The following BICC1 variants were observed in gnomAD, a reference collection of about 807,000 sequenced individuals.
The protein encoded by BICC1 is BicC family RNA binding protein 1.
Under a neutral mutation model 111.0 loss-of-function variants are expected in BICC1, and 43 were observed. The observed-to-expected ratio is 0.39, with a 90% CI of 0.30 to 0.50. The LOEUF (loss-of-function observed/expected upper bound fraction) is 0.50. BICC1 is among the 20% of genes least tolerant of loss of function. The pLI is 0.88. For synonymous variants in BICC1, 467 were observed against 434.4 expected (o/e 1.07, Z -0.93); for missense variants, 1,091 against 1,203.2 (o/e 0.91, Z 1.38).
intron 3 of BICC1, among the ~76,000 whole-genome samples, chr10:58,759,180 G>A (rs552293804): frequency 3.9e-5 from 6 of 151,984 alleles, no homozygotes; most frequent in South Asian, 2.1e-4. Flanking sequence ...GGCTGGTCTC[G>A]AACTCCTGAC....
chr10:58,716,691 A>AATGAATCT (rs1564571347), intron 3 of BICC1, among the ~76,000 whole-genome samples: 1 of 151,736 alleles, frequency 6.6e-6, no homozygotes, highest in African/African-American at 2.4e-5. Flanking sequence ...TTACATTAAT[A>AATGAATCT]TTTCAAAACC....
rs1222291635 is a variant in BICC1 at position 58,513,076 on chromosome 10, G to T, written c.-68G>T. The T allele has an allele frequency of 8.2e-7, 1 of 1,226,456 alleles. No homozygotes were observed. Among genetic ancestry groups the T allele is most frequent in the South Asian group, 2.9e-5 (1 of 34,760 alleles). 76.0% of individuals were successfully genotyped at this position (1,226,456 alleles called of 1,614,324 possible). A position where few individuals can be genotyped will look rare whatever the true frequency, so the allele number is the denominator to read the frequency against. The stretch of plus-strand genomic sequence containing the variant: ...CGCTGGGAGCCAGTTGAGCCCGGCC[G>T]GCGAGCGGAGGCGGCAGCGCAGGCA... On this transcript the variant is annotated 5_prime_UTR_variant, in exon 1 of 21. Coordinates refer to ENST00000373886, the MANE Select transcript of BICC1 (RefSeq NM_001080512.3).
chr10:58,680,781 G>A (rs1839494984), intron 2 of BICC1, among the ~76,000 whole-genome samples: 1 of 152,096 alleles, frequency 6.6e-6, no homozygotes, highest in Non-Finnish European at 1.5e-5. Flanking sequence ...TATACTACAA[G>A]GCTACAGTAA....
At chr10:58,785,130 GGCTAC>G in intron 4 of BICC1, 50 bp downstream of exon 4, 7 of 1,106,034 alleles carry the variant, frequency 6.3e-6, no homozygotes, top group Non-Finnish European at 9.0e-6. Context: ...TCTCTACAAG[GGCTAC>G]TTCATGCCGT....
chr10:58,722,905 G>A (rs1465935105), intron 3 of BICC1, among the ~76,000 whole-genome samples: 1 of 152,178 alleles, frequency 6.6e-6, no homozygotes, highest in African/African-American at 2.4e-5. Flanking sequence ...GTTTAACCTG[G>A]AGCGACCCCT....
chr10:58,829,665 G>A lies in BICC1; in HGVS notation c.*774G>A, dbSNP rs1844502594. The A allele has an allele frequency of 6.6e-6, 1 of 152,140 alleles. No homozygotes were observed. The highest frequency in any genetic ancestry group is 1.5e-5 in the Non-Finnish European group (1 of 68,028). 9.4% of individuals were successfully genotyped at this position (152,140 alleles called of 1,614,324 possible). A position where few individuals can be genotyped will look rare whatever the true frequency, so the allele number is the denominator to read the frequency against. On this transcript the variant is annotated 3_prime_UTR_variant, in exon 21 of 21. Transcript: ENST00000373886. ...GTTCACAGTAATAGGTGCAAAGAAA[G>A]ACCAAATGGACTTTGCAGTATTAAC...
intron 3 of BICC1, among the ~76,000 whole-genome samples, chr10:58,756,291 G>A (rs1028743741): frequency 6.6e-6 from 1 of 151,988 alleles, no homozygotes; most frequent in Non-Finnish European, 1.5e-5. Context: ...CGTAGACTGC[G>A]TTGCTCCTTG....
At chr10:58,627,249 G>A (rs1837661532) in intron 2 of BICC1, among the ~76,000 whole-genome samples, 1 of 152,162 alleles carries the variant, frequency 6.6e-6, no homozygotes, top group Non-Finnish European at 1.5e-5. Flanking sequence ...CAATGCATTG[G>A]ATCATGTAGA....
intron 1 of BICC1, among the ~76,000 whole-genome samples, chr10:58,607,172 C>T (rs565250594): frequency 9.2e-5 from 14 of 151,866 alleles, no homozygotes; most frequent in African/African-American, 2.9e-4. Flanking sequence ...CAAAATTAGC[C>T]GAGTGTGGTG....
rs1322190352 is a variant in BICC1 at position 58,621,956 on chromosome 10, G to GAAC, written c.237+1057_237+1058insCAA. Among the ~76,000 whole-genome samples, 459 of 50,340 alleles carry GAAC rather than the reference G, an allele frequency of 9.1e-3. 72 individuals are homozygous for GAAC. Among genetic ancestry groups the GAAC allele is most frequent in the African/African-American group, 0.013 (146 of 11,106 alleles). 33.0% of individuals were successfully genotyped at this position (50,340 alleles called of 152,430 possible). On this transcript the variant is annotated intron_variant, in intron 2 of 20. Transcript: ENST00000373886. ...GAATAGAATAGAATAGAATAGAATA[G>GAAC]AATAGAATAGAATAATCCAGCCTGG...
At chr10:58,813,288 G>C (rs548248311) in intron 17 of BICC1, among the ~76,000 whole-genome samples, 126 of 152,124 alleles carry the variant, frequency 8.3e-4, no homozygotes, top group Non-Finnish European at 1.6e-3. Flanking sequence ...AATTTAAAGA[G>C]ATAAATTACT....
chr10:58,717,487 G>A (rs931000242), intron 3 of BICC1, among the ~76,000 whole-genome samples: 2 of 151,962 alleles, frequency 1.3e-5, no homozygotes, highest in African/African-American at 2.4e-5. Context: ...TATTGTCTTT[G>A]TATATTAATA....
intron 3 of BICC1, among the ~76,000 whole-genome samples, chr10:58,753,982 G>A (rs1242962967): frequency 6.6e-6 from 1 of 151,674 alleles, no homozygotes; most frequent in Non-Finnish European, 1.5e-5. Context: ...CTTAATTTTT[G>A]TGTTTCTCTT....
intron 18 of BICC1, among the ~76,000 whole-genome samples, chr10:58,816,745 C>CTGTGTGTGTGTGTG (rs56310772): frequency 6.5e-5 from 8 of 122,162 alleles, no homozygotes; most frequent in African/African-American, 2.5e-4. Flanking sequence ...ATCTCCAAGG[C>CTGTGTGTGTGTGTG]TGTGTGTGTG....
At chr10:58,684,204 C>T (rs949371351) in intron 2 of BICC1, among the ~76,000 whole-genome samples, 1 of 152,118 alleles carries the variant, frequency 6.6e-6, no homozygotes, top group African/African-American at 2.4e-5. Flanking sequence ...TTGAACCAGC[C>T]TTGTATCCCA....
intron 8 of BICC1, among the ~76,000 whole-genome samples, chr10:58,792,831 C>G (rs1329372710): frequency 6.6e-6 from 1 of 152,134 alleles, no homozygotes; most frequent in Non-Finnish European, 1.5e-5. Flanking sequence ...CTTGAATCAT[C>G]TGAAACCATC....
At chr10:58,644,257 A>G (rs1838203300) in intron 2 of BICC1, among the ~76,000 whole-genome samples, 1 of 152,178 alleles carries the variant, frequency 6.6e-6, no homozygotes, top group Admixed American at 6.5e-5. Flanking sequence ...CTCAATTCTC[A>G]GGGAAACCGC....
intron 3 of BICC1, among the ~76,000 whole-genome samples, chr10:58,703,054 T>G (rs988335846): frequency 5.3e-5 from 8 of 152,298 alleles, no homozygotes; most frequent in African/African-American, 1.9e-4. Context: ...TTAATTGCAT[T>G]TCGTTAGAGT....
At chr10:58,808,251 G>A (rs1843775732) in intron 17 of BICC1, among the ~76,000 whole-genome samples, 1 of 152,092 alleles carries the variant, frequency 6.6e-6, no homozygotes, top group South Asian at 2.1e-4. Context: ...AAATGTTGAG[G>A]CTCTAGGAGG....
Sources: gnomAD v4.1 joint callset for allele counts (sites outside exome capture counted in the v4.1 genomes callset) on GRCh38, gnomAD v4.1.1 for gene constraint, MANE v1.5 for transcripts, NCBI Gene and HGNC (gene_info 2026-07-23, HGNC 2026-07-21) for gene names.